The following TMPRSS11E variants were observed in gnomAD, a reference collection of about 807,000 sequenced individuals.
TMPRSS11E encodes transmembrane protease serine 11E.
TMPRSS11E carries 38 observed loss-of-function variants against 48.1 expected under a neutral mutation model. The ratio of observed to expected loss-of-function variants is 0.79; its 90% confidence interval spans 0.61 to 1.04. TMPRSS11E has a LOEUF of 1.04. Ranked by LOEUF, TMPRSS11E falls within the 50% of genes least tolerant of loss-of-function variation. The probability of loss-of-function intolerance (pLI) is 0.00; values close to 1 mark genes in which losing one functional copy is unlikely to be tolerated. For missense variants in TMPRSS11E, 530 were observed against 510.8 expected, an observed-to-expected ratio of 1.04 and a Z score of -0.36; for synonymous variants, 158 against 171.9, an observed-to-expected ratio of 0.92 and a Z score of 0.63.
intron 9 of TMPRSS11E, among the ~76,000 whole-genome samples, chr4:68,481,037 T>A (rs1455234776): frequency 1.3e-5 from 2 of 152,186 alleles, no homozygotes; most frequent in Non-Finnish European, 2.9e-5. Flanking sequence ...CTTCCACTTA[T>A]AAGTGAGAAC....
intron 6 of TMPRSS11E, 47 bp downstream of exon 6, chr4:68,474,808 G>A (rs764688084): frequency 2.0e-6 from 3 of 1,501,522 alleles, no homozygotes; most frequent in Non-Finnish European, 2.7e-6. Context: ...AAGGTAAAAA[G>A]CTAACACTAT....
chr4:68,463,260 AT>A (rs1176716941), intron 2 of TMPRSS11E, among the ~76,000 whole-genome samples: 4 of 152,160 alleles, frequency 2.6e-5, no homozygotes, highest in African/African-American at 9.7e-5. Context: ...AAGTCTTTAA[AT>A]TTGGAGTATC....
rs182098674 is a variant in TMPRSS11E, at chr4:68,452,573, C to T, written c.11+5050C>T. ...GACTGGTAGAGCTGGAATCTGAGCA[C>T]ACCTGTTCTCACATCAGCCCTGTGC... On this transcript the variant is annotated intron_variant, in intron 1 of 9. Coordinates refer to ENST00000305363, the MANE Select transcript of TMPRSS11E (RefSeq NM_014058.4). 5.3e-5 allele frequency among the ~76,000 whole-genome samples: 8 copies of T among 152,056 alleles called. 1 individual carries two copies. The highest frequency in any genetic ancestry group is 1.9e-4 in the African/African-American group (8 of 41,550).
rs1158277585 is a variant in TMPRSS11E, at chr4:68,490,751, C to CTTTTTTTTTTTT, written c.1111-5877_1111-5866dup. Among the ~76,000 whole-genome samples, 3 of 69,328 alleles carry CTTTTTTTTTTTT rather than the reference C, an allele frequency of 4.3e-5. 1 individual carries two copies. The highest frequency in any genetic ancestry group is 1.2e-4 in the African/African-American group (2 of 16,674). 45.5% of individuals were successfully genotyped at this position (69,328 alleles called of 152,430 possible). The stretch of plus-strand genomic sequence containing the variant: ...GTTCATGCTTCCCACTCAGCATATT[C>CTTTTTTTTTTTT]TTTTTTTTTTTTTTTTTTTTTTTTT... On this transcript the variant is annotated intron_variant, in intron 9 of 9. Transcript: ENST00000305363.
chr4:68,477,495 T>C lies in TMPRSS11E; in HGVS notation c.834T>C (p.Ile278=). 1.2e-6 allele frequency: 2 copies of C among 1,614,052 alleles called. No homozygotes were observed. The highest frequency in any genetic ancestry group is 8.5e-7 in the Non-Finnish European group (1 of 1,179,976). Residue 278 remains isoleucine, a synonymous_variant, in exon 8 of 10, where the codon ATT becomes ATC. Coordinates refer to ENST00000305363, the MANE Select transcript of TMPRSS11E (RefSeq NM_014058.4). ...KYKHPSHDYD[I]SLAELSSPVP... is the part of the protein sequence containing the mutation. ...AACACCCATCACATGACTATGATAT[T>C]TCTCTTGCAGAGCTTTCTAGCCCTG...
At chr4:68,479,418 A>G (rs972040120) in intron 9 of TMPRSS11E, among the ~76,000 whole-genome samples, 2 of 151,236 alleles carry the variant, frequency 1.3e-5, no homozygotes, top group Non-Finnish European at 3.0e-5. Context: ...TGGATCATCT[A>G]TTGGTATTTT....
At chr4:68,448,587 T>C (rs982547274) in intron 1 of TMPRSS11E, among the ~76,000 whole-genome samples, 2 of 151,958 alleles carry the variant, frequency 1.3e-5, no homozygotes, top group African/African-American at 4.8e-5. Flanking sequence ...ATCTATGGTA[T>C]ATGTCAGAGA....
chr4:68,486,510 A>T (rs2708678), intron 9 of TMPRSS11E, among the ~76,000 whole-genome samples: 100,557 of 152,032 alleles, frequency 0.66, 33,638 homozygotes, highest in East Asian at 0.86. Flanking sequence ...GTGTGATTGG[A>T]ATGATTTTTA....
At chr4:68,496,452 C>T (rs961308934) in intron 9 of TMPRSS11E, among the ~76,000 whole-genome samples, 191 bp from the exon 10 acceptor site, 18 of 152,010 alleles carry the variant, frequency 1.2e-4, no homozygotes, top group Non-Finnish European at 2.6e-4. Context: ...TCAATCTCAT[C>T]AGTTTTCAAG....
At chr4:68,473,531 C>T (rs1168600622) in intron 5 of TMPRSS11E, among the ~76,000 whole-genome samples, 3 of 152,236 alleles carry the variant, frequency 2.0e-5, no homozygotes, top group African/African-American at 7.2e-5. Flanking sequence ...TATGGACACA[C>T]TTATTGCACA....
chr4:68,488,292 C>G lies in TMPRSS11E; in HGVS notation c.1111-8351C>G, dbSNP rs1729619036. Among the ~76,000 whole-genome samples the G allele has an allele frequency of 2.6e-5, 4 of 152,148 alleles. No individual in the cohort carries two copies. The South Asian group carries it at 8.3e-4, about 32-fold the overall frequency. ...TGCTCTCTCTCTTTCCTTGGGGATG[C>G]CAGTGAATTGTAGATTTGGTATATT... On this transcript the variant is annotated intron_variant, in intron 9 of 9. Transcript: ENST00000305363.
At chr4:68,453,976 C>A (rs955241045) in intron 1 of TMPRSS11E, among the ~76,000 whole-genome samples, 5 of 151,802 alleles carry the variant, frequency 3.3e-5, no homozygotes, top group Non-Finnish European at 7.4e-5. Flanking sequence ...TTCCAGCCAA[C>A]AAAATAGAGA....
At chr4:68,484,932 C>T (rs940486805) in intron 9 of TMPRSS11E, among the ~76,000 whole-genome samples, 1 of 152,194 alleles carries the variant, frequency 6.6e-6, no homozygotes, top group East Asian at 1.9e-4. Context: ...ATTTGGATGC[C>T]TTTTATGTCT....
chr4:68,476,167 T>C (rs777408334), intron 6 of TMPRSS11E, 94 bp from the exon 7 acceptor site: 4 of 1,527,054 alleles, frequency 2.6e-6, no homozygotes, highest in Non-Finnish European at 3.6e-6. Context: ...GAGCACAAAG[T>C]AGAAGAAATA....
intron 1 of TMPRSS11E, among the ~76,000 whole-genome samples, chr4:68,453,348 T>A (rs1305030092): frequency 2.6e-5 from 4 of 151,886 alleles, no homozygotes; most frequent in Non-Finnish European, 5.9e-5. Context: ...TAGAGCCACC[T>A]AACTAGTAAC....
rs371712937 is a variant in TMPRSS11E at position 68,476,245 on chromosome 4, C to T, written c.530-16C>T. 25 of 1,613,382 alleles carry T rather than the reference C, an allele frequency of 1.5e-5. No individual in the cohort carries two copies. In the South Asian group the frequency reaches 2.6e-4, roughly 17 times the overall value. On this transcript the variant is annotated splice_polypyrimidine_tract_variant and intron_variant, in intron 6 of 9. Coordinates refer to ENST00000305363, the MANE Select transcript of TMPRSS11E (RefSeq NM_014058.4). ...TTAATGCACCCACCAATGCACCCCC[C>T]CTCTCTCTTTTGCAGGCTGCGGAAC...
chr4:68,457,100 T>A (rs1016007674), intron 1 of TMPRSS11E, among the ~76,000 whole-genome samples: 1 of 151,972 alleles, frequency 6.6e-6, no homozygotes, highest in African/African-American at 2.4e-5. Context: ...AAAGAAACTA[T>A]CATCAGAGTG....
intron 9 of TMPRSS11E, among the ~76,000 whole-genome samples, chr4:68,481,599 T>A (rs756708059): frequency 2.0e-5 from 3 of 152,178 alleles, no homozygotes; most frequent in Non-Finnish European, 4.4e-5. Flanking sequence ...TGCTTGTGTG[T>A]CTTCATTTGA....
chr4:68,476,769 G>T (rs1729230628), intron 7 of TMPRSS11E, among the ~76,000 whole-genome samples: 1 of 152,190 alleles, frequency 6.6e-6, no homozygotes, highest in African/African-American at 2.4e-5. Flanking sequence ...CAGAGATGGA[G>T]TCTGGATAGG....
Sources: allele counts gnomAD v4.1 joint callset (sites outside exome capture counted in the v4.1 genomes callset), GRCh38; gene constraint gnomAD v4.1.1; transcripts MANE v1.5; gene names NCBI Gene and HGNC (gene_info 2026-07-23, HGNC 2026-07-21).